Variants in RPTOR observed in about 807,000 individuals in gnomAD.
RPTOR encodes regulatory associated protein of MTOR complex 1.
In RPTOR, 21 loss-of-function variants were observed where a neutral mutation model predicts 169.9. The ratio of observed to expected loss-of-function variants is 0.12; its 90% CI spans 0.09 to 0.18. The LOEUF is 0.18. Among genes scored for constraint, RPTOR ranks in the 10% least tolerant of loss-of-function variants. The pLI is 1.00. For synonymous variants in RPTOR, 732 were observed against 753.2 expected (o/e 0.97, Z 0.46); for missense variants, 1,133 against 1,855.9 (o/e 0.61, Z 7.16).
chr17:80,618,493 G>A (rs1349254359), intron 1 of RPTOR, among the ~76,000 whole-genome samples: 1 of 152,210 alleles, frequency 6.6e-6, no homozygotes, highest in African/African-American at 2.4e-5. Context: ...GTGCAGGAAG[G>A]GGTGAGCCAA....
intron 3 of RPTOR, among the ~76,000 whole-genome samples, chr17:80,687,651 G>A (rs141511368): frequency 1.8e-4 from 27 of 152,320 alleles, no homozygotes; most frequent in African/African-American, 6.3e-4. Context: ...AACAGTGAGT[G>A]CCACAGCACA....
At chr17:80,838,904 G>A (rs2067596266) in intron 10 of RPTOR, among the ~76,000 whole-genome samples, 2 of 152,242 alleles carry the variant, frequency 1.3e-5, no homozygotes, top group Admixed American at 6.5e-5. Flanking sequence ...GACAAAGGGA[G>A]TTAATGTAAG....
At chr17:80,572,820 A>G (rs2143316580) in intron 1 of RPTOR, among the ~76,000 whole-genome samples, 1 of 152,288 alleles carries the variant, frequency 6.6e-6, no homozygotes, top group South Asian at 2.1e-4. Context: ...TCTCCATTTT[A>G]ATATGGTCTG....
chr17:80,634,255 C>CATACCGTGTGT (rs1567830361), intron 2 of RPTOR, among the ~76,000 whole-genome samples: 3 of 26,436 alleles, frequency 1.1e-4, no homozygotes, highest in African/African-American at 3.1e-4. Context: ...ATACTGTATG[C>CATACCGTGTGT]GTGCATACCG....
chr17:80,824,124 C>T (rs2067413392), intron 9 of RPTOR, among the ~76,000 whole-genome samples: 1 of 152,174 alleles, frequency 6.6e-6, no homozygotes, highest in Non-Finnish European at 1.5e-5. Context: ...ACCCATCACC[C>T]ACTCCAGAAA....
intron 14 of RPTOR, among the ~76,000 whole-genome samples, chr17:80,880,831 G>A (rs2068178970): frequency 6.6e-6 from 1 of 152,270 alleles, no homozygotes; most frequent in Middle Eastern, 3.4e-3. Flanking sequence ...ACTAGTGAGC[G>A]CCGCACGTCT....
At chr17:80,597,496 AAGAT>A (rs2143432760) in intron 1 of RPTOR, among the ~76,000 whole-genome samples, 1 of 152,164 alleles carries the variant, frequency 6.6e-6, no homozygotes, top group South Asian at 2.1e-4. Context: ...AAATAGGTGA[AAGAT>A]AGGCTTTGTT....
At chr17:80,773,789 C>T (rs2066867137) in intron 6 of RPTOR, 4 of 985,200 alleles carry the variant, frequency 4.1e-6, no homozygotes, top group Non-Finnish European at 4.8e-6. Context: ...GTCACTGTGG[C>T]GCTGCCAGCA....
Position 80,883,865 on chromosome 17 carries a change from A to G in RPTOR, c.1735A>G (p.Ile579Val), listed in dbSNP as rs1182386721. 1.9e-6 allele frequency: 3 copies of G among 1,613,718 alleles called. No individual in the cohort carries two copies. The highest frequency in any genetic ancestry group is 1.7e-6 in the Non-Finnish European group (2 of 1,180,032). The change falls in exon 16 of 34, where the codon ATC becomes GTC. Residue 579 changes from isoleucine (I) to valine (V), a missense_variant. Coordinates refer to ENST00000306801, the MANE Select transcript of RPTOR (RefSeq NM_020761.3). ...PHPLLRQWVA[I>V]CLGRIWQNFD... ...CCCCTTGCTGCGCCAGTGGGTGGCC[A>G]TCTGCCTCGGCAGGATCTGGCAGAA...
intron 28 of RPTOR, among the ~76,000 whole-genome samples, chr17:80,950,075 C>T (rs1024654920): frequency 3.3e-5 from 5 of 152,140 alleles, no homozygotes; most frequent in African/African-American, 1.2e-4. Flanking sequence ...GGGTGCGGGG[C>T]GAGGCGCAGG....
rs532004422 is a variant in RPTOR at position 80,711,021 on chromosome 17, G to C, written c.507+3022G>C. ...GGAGAGTTTTTGACTTACTGATCTAGCTTCTTTCATGGTTAAAGGGTTTTT... is the reference window on the plus strand; with the variant it reads ...GGAGAGTTTTTGACTTACTGATCTACCTTCTTTCATGGTTAAAGGGTTTTT... On this transcript the variant is annotated intron_variant, in intron 4 of 33. Coordinates refer to ENST00000306801, the MANE Select transcript of RPTOR (RefSeq NM_020761.3). 1.4e-4 allele frequency among the ~76,000 whole-genome samples: 22 copies of C among 152,298 alleles called. No homozygotes were observed. The East Asian group carries it at 4.1e-3, about 28-fold the overall frequency.
intron 7 of RPTOR, among the ~76,000 whole-genome samples, chr17:80,814,391 C>T (rs1231833500): frequency 2.6e-5 from 4 of 152,114 alleles, no homozygotes; most frequent in Admixed American, 2.6e-4. Context: ...TAAGTGTATT[C>T]TTGGGTATTT....
chr17:80,784,700 CTTT>C (rs201356839), intron 6 of RPTOR, among the ~76,000 whole-genome samples: 36,574 of 137,242 alleles, frequency 0.27, 4,601 homozygotes, highest in Middle Eastern at 0.31. Context: ...GCCTATTTTA[CTTT>C]TTTTTTTTTT....
chr17:80,604,135 G>A (rs958510068), intron 1 of RPTOR, among the ~76,000 whole-genome samples: 9 of 152,202 alleles, frequency 5.9e-5, no homozygotes, highest in African/African-American at 2.2e-4. Flanking sequence ...CTGAAAACAA[G>A]CGAATATTGA....
chr17:80,603,811 C>A (rs2065209083), intron 1 of RPTOR, among the ~76,000 whole-genome samples: 1 of 152,212 alleles, frequency 6.6e-6, no homozygotes. Context: ...ACTTAGCCCC[C>A]AGGGTTTTTA....
intron 5 of RPTOR, among the ~76,000 whole-genome samples, chr17:80,748,210 C>T (rs1598278283): frequency 1.0e-5 from 1 of 99,046 alleles, no homozygotes; most frequent in Admixed American, 9.3e-5. Context: ...GAGGCCGTGG[C>T]GGGAGGGCCT....
intron 1 of RPTOR, among the ~76,000 whole-genome samples, chr17:80,568,563 C>T (rs1248041346): frequency 6.6e-6 from 1 of 152,096 alleles, no homozygotes; most frequent in African/African-American, 2.4e-5. Context: ...TTGTGATTAG[C>T]CTGCTTATGG....
At chr17:80,790,410 C>T (rs577818225) in intron 6 of RPTOR, among the ~76,000 whole-genome samples, 13 of 152,306 alleles carry the variant, frequency 8.5e-5, no homozygotes, top group African/African-American at 3.1e-4. Flanking sequence ...AGCCTCCCCT[C>T]GCCCTGCAGG....
chr17:80,711,368 C>CT (rs959165614), intron 4 of RPTOR, among the ~76,000 whole-genome samples: 9 of 142,284 alleles, frequency 6.3e-5, no homozygotes, highest in African/African-American at 1.6e-4. Flanking sequence ...CAATTTGACA[C>CT]TTTTTTTCTT....
Sources: gnomAD v4.1 joint callset for allele counts (sites outside exome capture counted in the v4.1 genomes callset) on GRCh38, gnomAD v4.1.1 for gene constraint, MANE v1.5 for transcripts, NCBI Gene and HGNC (gene_info 2026-07-23, HGNC 2026-07-21) for gene names.